PMS1: variants seen among roughly 807,000 people sequenced by gnomAD.
PMS1 encodes PMS1 homolog 1, mismatch repair system component.
In PMS1, 79 loss-of-function variants were observed where a neutral mutation model predicts 93.1. The observed-to-expected ratio is 0.85, with a 90% CI of 0.71 to 1.02. The LOEUF (loss-of-function observed/expected upper bound fraction) is 1.02. Among genes scored for constraint, PMS1 ranks in the 50% least tolerant of loss-of-function variants. PMS1 has a pLI of 0.00. For missense variants in PMS1, 1,064 were observed against 1,085.3 expected (o/e 0.98, Z 0.28); for synonymous variants, 335 against 363.4 (o/e 0.92, Z 0.89).
intron 5 of PMS1, among the ~76,000 whole-genome samples, chr2:189,830,009 A>T (rs1418421215): frequency 6.6e-6 from 1 of 152,208 alleles, no homozygotes; most frequent in Non-Finnish European, 1.5e-5. Flanking sequence ...ATGTTTAATT[A>T]GTTCCCATCT....
At chr2:189,809,399 T>C (rs939562985) in intron 4 of PMS1, among the ~76,000 whole-genome samples, 13 of 143,086 alleles carry the variant, frequency 9.1e-5, no homozygotes, top group African/African-American at 3.3e-4. Flanking sequence ...TGGGGCCTCC[T>C]CCCTATTATT....
intron 5 of PMS1, among the ~76,000 whole-genome samples, chr2:189,828,292 A>T (rs929945696): frequency 6.6e-6 from 1 of 152,190 alleles, no homozygotes; most frequent in African/African-American, 2.4e-5. Flanking sequence ...TGTATTGTGT[A>T]TTTCAAGATA....
At chr2:189,837,093 A>G (rs1273284449) in intron 5 of PMS1, among the ~76,000 whole-genome samples, 1 of 151,958 alleles carries the variant, frequency 6.6e-6, no homozygotes, top group Non-Finnish European at 1.5e-5. Context: ...TGAATGCTTT[A>G]TTTTAAAAAT....
intron 3 of PMS1, among the ~76,000 whole-genome samples, chr2:189,796,390 G>C (rs1233265): frequency 6.6e-6 from 1 of 151,840 alleles, no homozygotes; most frequent in African/African-American, 2.4e-5. Context: ...AACATAAAAT[G>C]TATCATTTTA....
chr2:189,833,386 A>G (rs1332335468), intron 5 of PMS1, among the ~76,000 whole-genome samples: 3 of 152,310 alleles, frequency 2.0e-5, no homozygotes, highest in Non-Finnish European at 4.4e-5. Context: ...TCAAGAGACC[A>G]TCCTGGCCAA....
intron 11 of PMS1, among the ~76,000 whole-genome samples, chr2:189,870,610 A>G (rs1476478246): frequency 6.6e-6 from 1 of 152,190 alleles, no homozygotes; most frequent in East Asian, 1.9e-4. Flanking sequence ...AGTACCTTTT[A>G]CCCATTTCCA....
At chr2:189,804,916 T>A (rs542867722) in intron 3 of PMS1, among the ~76,000 whole-genome samples, 1 of 151,952 alleles carries the variant, frequency 6.6e-6, no homozygotes, top group African/African-American at 2.4e-5. Context: ...TTTCTGACAA[T>A]GGCATATTTT....
At chr2:189,863,238 C>CT (rs2056214573) in intron 9 of PMS1, among the ~76,000 whole-genome samples, 1 of 147,812 alleles carries the variant, frequency 6.8e-6, no homozygotes, top group South Asian at 2.1e-4. Context: ...GTTGTTTTTT[C>CT]TTTTTGGTGT....
intron 4 of PMS1, among the ~76,000 whole-genome samples, chr2:189,811,627 A>G (rs2106303639): frequency 6.6e-6 from 1 of 152,260 alleles, no homozygotes; most frequent in South Asian, 2.1e-4. Flanking sequence ...CATAATTAAG[A>G]TTGAAAAAAG....
At chr2:189,846,718 T>C (rs997776744) in intron 6 of PMS1, among the ~76,000 whole-genome samples, 1 of 152,182 alleles carries the variant, frequency 6.6e-6, no homozygotes, top group African/African-American at 2.4e-5. Context: ...TTTTCATGCC[T>C]GAGAATGATT....
intron 5 of PMS1, among the ~76,000 whole-genome samples, chr2:189,839,733 T>C (rs5743092): frequency 0.012 from 1,758 of 152,326 alleles, 27 homozygotes; most frequent in African/African-American, 0.04. Flanking sequence ...GCTTTCTTTT[T>C]ATATTTTTAG....
At chr2:189,869,467 T>TA (rs1301987879) in intron 11 of PMS1, among the ~76,000 whole-genome samples, 1 of 152,122 alleles carries the variant, frequency 6.6e-6, no homozygotes, top group Non-Finnish European at 1.5e-5. Context: ...ATTCTCAACT[T>TA]AATCTGTTTT....
In PMS1 at chr2:189,862,358, G is replaced by T. The variant is rs143755868; in HGVS notation, c.1857-1385G>T. The stretch of plus-strand genomic sequence containing the variant: ...TTTATAATTTCCACTAATCTGTTGA[G>T]ATTCCCCCTTCTATTTTCTCATTAT... On this transcript the variant is annotated intron_variant, in intron 9 of 12. Transcript: ENST00000441310. 5.9e-3 allele frequency among the ~76,000 whole-genome samples: 896 copies of T among 152,056 alleles called. 15 individuals are homozygous for T. The highest frequency in any genetic ancestry group is 0.02 in the African/African-American group (826 of 41,464).
In PMS1 at chr2:189,854,986, A is replaced by G. The variant is rs762666544; in HGVS notation, c.1714A>G (p.Lys572Glu). The G allele has an allele frequency of 6.2e-7, 1 of 1,613,596 alleles. No homozygotes were observed. Among genetic ancestry groups the G allele is most frequent in the Non-Finnish European group, 8.5e-7 (1 of 1,179,592 alleles). The change falls in exon 9 of 13, where the codon AAG becomes GAG. Residue 572 changes from lysine (K) to glutamate (E), a missense_variant. Transcript: ENST00000441310. ...TGATTTACTTAGCAATCGAGTAATC[A>G]AGAAACCCATGTCAGCAAGTGCTCT... The part of the protein sequence containing the change: ...AYDLLSNRVI[K>E]KPMSASALFV...
intron 10 of PMS1, among the ~76,000 whole-genome samples, chr2:189,866,794 G>A (rs967743640): frequency 6.6e-6 from 1 of 152,098 alleles, no homozygotes; most frequent in African/African-American, 2.4e-5. Flanking sequence ...AGGCTCACAC[G>A]GACAGTAAAT....
chr2:189,787,577 G>C (rs2048473267), intron 1 of PMS1, among the ~76,000 whole-genome samples: 1 of 147,148 alleles, frequency 6.8e-6, no homozygotes, highest in Non-Finnish European at 1.5e-5. Flanking sequence ...ATCCAAATAC[G>C]TAATTAAGAT....
At chr2:189,819,903 C>T (rs192549172) in intron 5 of PMS1, among the ~76,000 whole-genome samples, 6 of 152,094 alleles carry the variant, frequency 3.9e-5, no homozygotes, top group African/African-American at 9.7e-5. Flanking sequence ...TTTTTCAAAG[C>T]GCCGATAAGA....
chr2:189,799,989 TCTTCATAGTA>T (rs894125783), intron 3 of PMS1, among the ~76,000 whole-genome samples: 1 of 152,222 alleles, frequency 6.6e-6, no homozygotes. Flanking sequence ...TGCTTCAGTT[TCTTCATAGTA>T]CTGATGAGGA....
intron 6 of PMS1, among the ~76,000 whole-genome samples, chr2:189,849,386 A>T (rs1393538144): frequency 6.6e-6 from 1 of 152,094 alleles, no homozygotes; most frequent in Non-Finnish European, 1.5e-5. Context: ...ATTTGTTTTC[A>T]TATTCTTCTC....
Sources: gnomAD v4.1 joint callset for allele counts (sites outside exome capture counted in the v4.1 genomes callset) on GRCh38, gnomAD v4.1.1 for gene constraint, MANE v1.5 for transcripts, NCBI Gene and HGNC (gene_info 2026-07-23, HGNC 2026-07-21) for gene names.